Variants in PCDHGB3 observed in about 807,000 individuals in gnomAD.
The protein encoded by PCDHGB3 is protocadherin gamma subfamily B, 3.
A neutral mutation model predicts 59.2 loss-of-function variants in PCDHGB3; 40 were observed. The observed-to-expected ratio is 0.68, with a 90% CI of 0.52 to 0.88. PCDHGB3 has a LOEUF of 0.88. PCDHGB3 is among the 40% of genes least tolerant of loss of function. The pLI is 0.00. For synonymous variants in PCDHGB3, 581 were observed against 503.6 expected, an observed-to-expected ratio of 1.15 and a Z score of -2.06; for missense variants, 1,309 against 1,187.9, an observed-to-expected ratio of 1.10 and a Z score of -1.50.
chr5:141,422,580 C>T (rs1310564205), intron 1 of PCDHGB3: 10 of 1,613,934 alleles, frequency 6.2e-6, no homozygotes, highest in Non-Finnish European at 8.5e-6. Flanking sequence ...ATAACCCTCC[C>T]GTTTTTCCTC....
At chr5:141,374,816 C>T (rs771806207) in intron 1 of PCDHGB3, 1 of 1,613,964 alleles carries the variant, frequency 6.2e-7, no homozygotes, top group East Asian at 2.2e-5. Flanking sequence ...GTTTACTCAG[C>T]CTGTCTACCG....
At chr5:141,383,821 G>C in intron 1 of PCDHGB3, 1 of 1,613,922 alleles carries the variant, frequency 6.2e-7, no homozygotes, top group Non-Finnish European at 8.5e-7. Flanking sequence ...AGAAGGATTA[G>C]ATTATGAAGA....
At chr5:141,456,815 T>A (rs867637586) in intron 1 of PCDHGB3, among the ~76,000 whole-genome samples, 5 of 151,934 alleles carry the variant, frequency 3.3e-5, no homozygotes, top group Non-Finnish European at 7.4e-5. Flanking sequence ...ATACAAAAAA[T>A]TAGCCATCGT....
chr5:141,383,107 G>A, intron 1 of PCDHGB3: 1 of 1,614,032 alleles, frequency 6.2e-7, no homozygotes, highest in South Asian at 1.1e-5. Context: ...CATCTCCAGA[G>A]GTAGGACGCA....
intron 1 of PCDHGB3, chr5:141,442,112 C>CTCG (rs2098300474): frequency 6.0e-6 from 1 of 166,158 alleles, no homozygotes; most frequent in Admixed American, 6.5e-5. Context: ...ACTACCGCCC[C>CTCG]TCGTCGCCGA....
intron 2 of PCDHGB3, among the ~76,000 whole-genome samples, chr5:141,501,290 T>TACAC (rs55762287): frequency 0.051 from 6,975 of 136,060 alleles, 192 homozygotes; most frequent in African/African-American, 0.071. Context: ...TATTCCCTTA[T>TACAC]ACACACACAC....
At chr5:141,404,784 C>T (rs780341962) in intron 1 of PCDHGB3, 2 of 1,613,832 alleles carry the variant, frequency 1.2e-6, no homozygotes, top group Non-Finnish European at 1.7e-6. Flanking sequence ...CTATTCAAGG[C>T]CAGTGAGCCA....
At chr5:141,467,941 G>A (rs1173095290) in intron 1 of PCDHGB3, among the ~76,000 whole-genome samples, 4 of 151,984 alleles carry the variant, frequency 2.6e-5, no homozygotes, top group Admixed American at 2.6e-4. Context: ...TTACAAGCAT[G>A]AGCCACCACA....
At chr5:141,450,786 C>A (rs1468388706) in intron 1 of PCDHGB3, among the ~76,000 whole-genome samples, 1 of 151,020 alleles carries the variant, frequency 6.6e-6, no homozygotes, top group Admixed American at 6.6e-5. Flanking sequence ...CGTGCCCGGA[C>A]CTCATGATTG....
chr5:141,385,101 C>A (rs1373310406), intron 1 of PCDHGB3: 2 of 1,614,194 alleles, frequency 1.2e-6, no homozygotes, highest in East Asian at 2.2e-5. Flanking sequence ...GCTTGGCGAA[C>A]GTGCCCACCT....
intron 1 of PCDHGB3, chr5:141,399,654 G>A (rs2093857278): frequency 1.2e-6 from 2 of 1,613,586 alleles, no homozygotes. Flanking sequence ...AAAGTGGGGT[G>A]GTGTTCGCGC....
At chr5:141,415,772 T>TTTTTTTTG in intron 1 of PCDHGB3, 1 of 1,332,986 alleles carries the variant, frequency 7.5e-7, no homozygotes. Context: ...TTTTTTTTTT[T>TTTTTTTTG]ACTTTCTGGT....
rs747585516 is a variant in PCDHGB3, at chr5:141,409,120, A to G, written c.2415+36311A>G. ...CAGGTATGATTAAGAATAACCAGTC[A>G]TTTGATTTTGAAGATGTAGAAAGGT... On this transcript the variant is annotated intron_variant, in intron 1 of 3. Transcript: ENST00000576222. 6 of 1,613,844 alleles carry G rather than the reference A, an allele frequency of 3.7e-6. No homozygotes were observed. The African/African-American group carries it at 8.0e-5, about 22-fold the overall frequency.
Position 141,477,197 on chromosome 5 carries a change from G to C in PCDHGB3, c.2416-17610G>C, listed in dbSNP as rs781504885. 6.2e-7 allele frequency: 1 copy of C among 1,614,210 alleles called. No homozygotes were observed. Among genetic ancestry groups the C allele is most frequent in the South Asian group, 1.1e-5 (1 of 91,082 alleles). On this transcript the variant is annotated intron_variant, in intron 1 of 3. Transcript: ENST00000576222. The surrounding 1 kb of genome is among the most constrained non-coding windows in gnomAD (Gnocchi z 4.9). ...CACAGTCACCTCCGTGTACAGCCCA[G>C]TACCCGAGGATGCCCCTCTGGGGAC...
At chr5:141,500,618 C>A (rs554274946) in intron 2 of PCDHGB3, among the ~76,000 whole-genome samples, 27 of 152,260 alleles carry the variant, frequency 1.8e-4, no homozygotes, top group African/African-American at 6.5e-4. Context: ...CCCAGTCATA[C>A]GGTACATTTC....
chr5:141,482,032 C>T (rs1370023352), intron 1 of PCDHGB3, among the ~76,000 whole-genome samples: 1 of 151,018 alleles, frequency 6.6e-6, no homozygotes, highest in African/African-American at 2.4e-5. Flanking sequence ...TTGCAGTGAG[C>T]CAAGATCATG....
At chr5:141,466,280 C>T (rs1181499549) in intron 1 of PCDHGB3, among the ~76,000 whole-genome samples, 1 of 152,142 alleles carries the variant, frequency 6.6e-6, no homozygotes, top group Admixed American at 6.6e-5. Flanking sequence ...AAGCAATCTT[C>T]CCACCTCAGG....
At chr5:141,446,697 C>T (rs1254994356) in intron 1 of PCDHGB3, among the ~76,000 whole-genome samples, 9 of 152,134 alleles carry the variant, frequency 5.9e-5, no homozygotes, top group Admixed American at 5.9e-4. Context: ...AGGCTGGTCT[C>T]GAACTCTGAT....
intron 1 of PCDHGB3, chr5:141,395,463 C>G (rs1164636639): frequency 6.9e-6 from 4 of 582,400 alleles, no homozygotes; most frequent in African/African-American, 5.7e-5. Flanking sequence ...CCATTTTAAG[C>G]CTTCCAGTAT....
Sources: gnomAD v4.1 joint callset for allele counts (sites outside exome capture counted in the v4.1 genomes callset) on GRCh38, gnomAD v4.1.1 for gene constraint, Gnocchi (gnomAD v3.1) non-coding constraint, MANE v1.5 for transcripts, NCBI Gene and HGNC (gene_info 2026-07-23, HGNC 2026-07-21) for gene names.